PDLIM2: variants seen among roughly 807,000 people sequenced by gnomAD.
The protein encoded by PDLIM2 is PDZ and LIM domain 2.
Under a neutral mutation model 54.1 loss-of-function variants are expected in PDLIM2, and 51 were observed. The observed-to-expected ratio is 0.94, with a 90% CI of 0.75 to 1.19. The LOEUF (loss-of-function observed/expected upper bound fraction) is 1.19. Ranked by LOEUF, PDLIM2 falls within the 50% of genes most tolerant of loss-of-function variation. PDLIM2 has a pLI of 0.00. For synonymous variants in PDLIM2, 398 were observed against 385.6 expected (o/e 1.03, Z -0.38); for missense variants, 912 against 874.0 (o/e 1.04, Z -0.55).
intron 2 of PDLIM2, chr8:22,580,975 G>A (rs779748574): frequency 1.5e-6 from 1 of 665,236 alleles, no homozygotes; most frequent in South Asian, 1.5e-5. Flanking sequence ...GCCATTTGGG[G>A]TGATTACTAG....
exon 5 of PDLIM2, chr8:22,585,055 A>G: frequency 6.2e-7 from 1 of 1,613,874 alleles, no homozygotes. Context: ...AGTCCTCCTT[A>G]AGGTCCTCCT....
intron 9 of PDLIM2, 43 bp from the exon 9 acceptor site, chr8:22,593,690 T>C (rs1282027398): frequency 6.5e-7 from 1 of 1,526,770 alleles, no homozygotes; most frequent in African/African-American, 1.4e-5. Flanking sequence ...GGCCTCCTGC[T>C]TGGTGCTGTG....
exon 3 of PDLIM2, chr8:22,581,386 A>C: frequency 6.2e-7 from 1 of 1,602,174 alleles, no homozygotes; most frequent in Non-Finnish European, 8.5e-7. Context: ...CAGGTGGCCG[A>C]GCGGGGCAAA....
downstream of PDLIM2, chr8:22,595,498 G>A (rs1210186389): frequency 6.6e-6 from 1 of 152,258 alleles, no homozygotes; most frequent in African/African-American, 2.4e-5. Flanking sequence ...ATGCCTTCCT[G>A]GAGGTAGAAG....
At chr8:22,586,251 A>G (rs1800379826) in intron 6 of PDLIM2, among the ~76,000 whole-genome samples, 1 of 152,170 alleles carries the variant, frequency 6.6e-6, no homozygotes, top group South Asian at 2.1e-4. Flanking sequence ...GGCCTTCCGA[A>G]CAGCGGCTGC....
chr8:22,578,835 G>C, exon 1 of PDLIM2: 3 of 1,234,368 alleles, frequency 2.4e-6, no homozygotes, highest in South Asian at 4.1e-5. Flanking sequence ...CTGCCCCCTC[G>C]ATCGTCTGCG....
chr8:22,592,553 GAGTGGGAGAATAT>G (rs1469122739), intron 9 of PDLIM2: 1 of 152,234 alleles, frequency 6.6e-6, no homozygotes. Flanking sequence ...TTCATCTGCA[GAGTGGGAGAATAT>G]CCAGTCCCCC....
At position 22,581,454 on chromosome 8, in the gene PDLIM2, G is replaced by A. The variant is rs201876427; in HGVS notation, c.919G>A (p.Ala307Thr). ...AATCGTGGCCATCAACGGGGAAAGC[G>A]CGGAGGGCATGCTGCATGCCGAGGC... The change falls in exon 3 of 10, where the codon GCG becomes ACG. Residue 307 changes from alanine to threonine, a missense_variant. Ala to Thr is a moderately conservative substitution (Grantham distance 58, BLOSUM62 0). Transcript: ENST00000308354. 106 of 1,607,902 alleles carry A rather than the reference G, an allele frequency of 6.6e-5. No homozygotes were observed. Among genetic ancestry groups the A allele is most frequent in the East Asian group, 1.6e-4 (7 of 44,792 alleles).
At chr8:22,579,556 C>T in intron 1 of PDLIM2, 1 of 1,440,772 alleles carries the variant, frequency 6.9e-7, no homozygotes, top group Non-Finnish European at 9.1e-7. Context: ...GGCCGCGAGC[C>T]GGCCTCGGGG....
Position 22,585,040 on chromosome 8 carries a change from G to C in PDLIM2, c.1089G>C (p.Glu363Asp), listed in dbSNP as rs1398542324. The C allele has an allele frequency of 3.1e-6, 5 of 1,614,028 alleles. No homozygotes were observed. The highest frequency in any genetic ancestry group is 1.7e-5 in the Admixed American group (1 of 60,022). ...AGGGCTCCGTGAGGACATACACTGA[G>C]AGTCAGTCCTCCTTAAGGTCCTCCT... The change falls in exon 5 of 10, where the codon GAG becomes GAC. Residue 363 changes from glutamate (E) to aspartate (D), a missense_variant. Coordinates refer to ENST00000308354, the Ensembl canonical transcript of PDLIM2.
exon 7 of PDLIM2, chr8:22,589,349 C>T (rs1800467252): frequency 2.0e-6 from 3 of 1,534,688 alleles, no homozygotes; most frequent in East Asian, 2.4e-5. Flanking sequence ...GCCGCCTTCC[C>T]CGGGCCCTCG....
At chr8:22,592,829 T>C (rs1800590702) in intron 9 of PDLIM2, 1 of 152,208 alleles carries the variant, frequency 6.6e-6, no homozygotes, top group Non-Finnish European at 1.5e-5. Context: ...ATCCAGGCAA[T>C]GTGGGACGGA....
At chr8:22,585,252 C>T in intron 5 of PDLIM2, 69 bp from the exon 5 acceptor site, 1 of 1,601,446 alleles carries the variant, frequency 6.2e-7, no homozygotes, top group Admixed American at 1.7e-5. Flanking sequence ...GCTTGGGAGC[C>T]CGGGGCAGCA....
chr8:22,595,477 C>A (rs1489373485), downstream of PDLIM2: 3 of 152,256 alleles, frequency 2.0e-5, no homozygotes, highest in East Asian at 5.8e-4. Context: ...CAGAAAGATA[C>A]AGCACTCCTC....
At chr8:22,580,415 G>T in intron 1 of PDLIM2, 60 bp from the exon 1 acceptor site, 2 of 1,366,390 alleles carry the variant, frequency 1.5e-6, no homozygotes, top group Non-Finnish European at 9.7e-7. Context: ...TCCCAGGGTG[G>T]GGGGAAGTGA....
chr8:22,578,872 C>A, exon 1 of PDLIM2: 1 of 1,235,568 alleles, frequency 8.1e-7, no homozygotes. Context: ...AGTCCCTGGA[C>A]CGGCTCTGCT....
At chr8:22,593,444 G>A (rs565583502) in intron 9 of PDLIM2, 13 of 369,504 alleles carry the variant, frequency 3.5e-5, no homozygotes, top group East Asian at 2.3e-4. Context: ...AGGTGTGGTC[G>A]CACATGCTTG....
At chr8:22,580,632 C>T (rs370173255) in exon 2 of PDLIM2, 1 of 1,613,928 alleles carries the variant, frequency 6.2e-7, no homozygotes, top group African/African-American at 1.3e-5. Flanking sequence ...TGTGGCCGGG[C>T]CAGCGCCCTG....
intron 9 of PDLIM2, chr8:22,592,077 C>CTTTTTTTTTTTTTTTT (rs60908593): frequency 2.1e-5 from 2 of 95,188 alleles, no homozygotes; most frequent in Non-Finnish European, 3.9e-5. Context: ...TCTTTCTTTT[C>CTTTTTTTTTTTTTTTT]TTTTTTTTTT....
Sources: allele counts gnomAD v4.1 joint callset (sites outside exome capture counted in the v4.1 genomes callset), GRCh38; gene constraint gnomAD v4.1.1; transcripts MANE v1.5; gene names NCBI Gene and HGNC (gene_info 2026-07-23, HGNC 2026-07-21).